Variants in SLC16A10 observed in about 807,000 individuals in gnomAD.
SLC16A10 encodes solute carrier family 16 member 10.
Under a neutral mutation model 40.0 loss-of-function variants are expected in SLC16A10, and 27 were observed. The observed-to-expected ratio is 0.67, with a 90% CI of 0.50 to 0.93. The LOEUF is 0.93. SLC16A10 is among the 40% of genes least tolerant of loss of function. The pLI is 0.00. For missense variants in SLC16A10, 529 were observed against 658.2 expected (o/e 0.80, Z 2.15); for synonymous variants, 213 against 249.8 (o/e 0.85, Z 1.39).
chr6:111,220,390 C>T (rs1583370551), intron 5 of SLC16A10, among the ~76,000 whole-genome samples: 2 of 152,102 alleles, frequency 1.3e-5, no homozygotes, highest in East Asian at 1.9e-4. Context: ...TAAAGATGTC[C>T]TATGTTCAGT....
intron 1 of SLC16A10, among the ~76,000 whole-genome samples, chr6:111,133,384 C>T (rs1236433575): frequency 6.6e-6 from 1 of 151,968 alleles, no homozygotes; most frequent in Non-Finnish European, 1.5e-5. Context: ...AGGAAATGTT[C>T]CCCCCAAGGC....
intron 4 of SLC16A10, 57 bp from the exon 5 acceptor site, chr6:111,218,757 G>A (rs1770829759): frequency 1.4e-6 from 2 of 1,403,964 alleles, no homozygotes; most frequent in Non-Finnish European, 2.0e-6. Context: ...CATGTTGCAT[G>A]GTAATTGTGA....
At chr6:111,129,296 T>A (rs1771740290) in intron 1 of SLC16A10, among the ~76,000 whole-genome samples, 1 of 152,182 alleles carries the variant, frequency 6.6e-6, no homozygotes. Flanking sequence ...AGTGGAAAAG[T>A]ACAGTGGTTT....
At position 111,089,908 on chromosome 6, in the gene SLC16A10, G is replaced by GTTTTTTTTTTTTTT. The variant is rs541758500; in HGVS notation, c.343+1838_343+1851dup. Among the ~76,000 whole-genome samples, 4 of 52,334 alleles carry GTTTTTTTTTTTTTT rather than the reference G, an allele frequency of 7.6e-5. 1 individual carries two copies. Among genetic ancestry groups the GTTTTTTTTTTTTTT allele is most frequent in the African/African-American group, 1.3e-4 (2 of 14,856 alleles). The allele number at this position is 52,334 out of a possible 152,430, so 34.3% of individuals were successfully genotyped here. Reference sequence around the variant, plus strand: ...TAGATCCTTTGGTGTCTGTGGGTGGGTTTTTTTTTTTTTTTTTTTTTTTTT... The same window carrying GTTTTTTTTTTTTTT: ...TAGATCCTTTGGTGTCTGTGGGTGGGTTTTTTTTTTTTTTTTTTTTTTTTTTTTTTTTTTTTTTT... On this transcript the variant is annotated intron_variant, in intron 1 of 5. Coordinates refer to ENST00000368851, the MANE Select transcript of SLC16A10 (RefSeq NM_018593.5).
intron 3 of SLC16A10, chr6:111,193,309 C>G (rs902345569): frequency 8.1e-5 from 80 of 985,696 alleles, no homozygotes; most frequent in Non-Finnish European, 9.4e-5. Context: ...ACATCTGCTG[C>G]AATTTGACTG....
intron 1 of SLC16A10, among the ~76,000 whole-genome samples, chr6:111,143,374 C>CT (rs982871254): frequency 5.9e-5 from 9 of 151,866 alleles, no homozygotes; most frequent in Admixed American, 2.0e-4. Context: ...CTATGCCTGA[C>CT]TTTTTTTTAA....
At chr6:111,090,967 G>A (rs138725633) in intron 1 of SLC16A10, among the ~76,000 whole-genome samples, 41 of 152,200 alleles carry the variant, frequency 2.7e-4, no homozygotes, top group African/African-American at 9.4e-4. Context: ...GGGAGGTGGT[G>A]GTGGAATGGA....
chr6:111,187,888 C>T lies in SLC16A10; in HGVS notation c.942+10223C>T, dbSNP rs569550189. Among the ~76,000 whole-genome samples, 33 of 152,282 alleles carry T rather than the reference C, an allele frequency of 2.2e-4. No homozygotes were observed. In the South Asian group the frequency reaches 6.4e-3, roughly 30 times the overall value. On this transcript the variant is annotated intron_variant, in intron 3 of 5. Coordinates refer to ENST00000368851, the MANE Select transcript of SLC16A10 (RefSeq NM_018593.5). ...AGATTGTCCCTGACAATGCAAGGCT[C>T]ACAGTAGTATCCTTATAAACCAAAG...
intron 1 of SLC16A10, among the ~76,000 whole-genome samples, chr6:111,151,500 A>G (rs1055873566): frequency 6.6e-6 from 1 of 152,184 alleles, no homozygotes; most frequent in Non-Finnish European, 1.5e-5. Context: ...TTCTGATTTC[A>G]GACAATTGTC....
chr6:111,206,573 C>T lies in SLC16A10; in HGVS notation c.943-19C>T. 6.2e-7 allele frequency: 1 copy of T among 1,613,424 alleles called. No individual in the cohort carries two copies. The highest frequency in any genetic ancestry group is 1.7e-5 in the Admixed American group (1 of 59,948). ...TTTTCTACCATATTCAGTGTGGTTT[C>T]TTTCTCTTTGGCCTATAGATGAAAC... On this transcript the variant is annotated intron_variant, in intron 3 of 5. Transcript: ENST00000368851.
chr6:111,204,217 G>A (rs556400001), intron 3 of SLC16A10, among the ~76,000 whole-genome samples: 1 of 152,316 alleles, frequency 6.6e-6, no homozygotes, highest in South Asian at 2.1e-4. Flanking sequence ...GATTTAGAAA[G>A]TAAATCATCA....
chr6:111,137,711 C>T (rs540273747), intron 1 of SLC16A10, among the ~76,000 whole-genome samples: 22 of 152,348 alleles, frequency 1.4e-4, no homozygotes, highest in African/African-American at 5.3e-4. Context: ...CCAACCTCCC[C>T]AATAGTACTT....
At chr6:111,147,059 G>A (rs1466141708) in intron 1 of SLC16A10, among the ~76,000 whole-genome samples, 1 of 152,220 alleles carries the variant, frequency 6.6e-6, no homozygotes, top group Admixed American at 6.5e-5. Context: ...AAGGAGGAAT[G>A]GGAGTGACTG....
chr6:111,149,661 T>C (rs1772139249), intron 1 of SLC16A10, among the ~76,000 whole-genome samples: 1 of 152,222 alleles, frequency 6.6e-6, no homozygotes, highest in African/African-American at 2.4e-5. Context: ...TACTCCAAAA[T>C]CAACTGCTTT....
At position 111,201,901 on chromosome 6, in the gene SLC16A10, C is replaced by T. The variant is rs558600367; in HGVS notation, c.943-4691C>T. On this transcript the variant is annotated intron_variant, in intron 3 of 5. Coordinates refer to ENST00000368851, the MANE Select transcript of SLC16A10 (RefSeq NM_018593.5). ...TGCATGTTCGTTGGCTTTATTGGAGCTGCTTTTGTACTGTGGCCACCCATT... is the reference window on the plus strand; with the variant it reads ...TGCATGTTCGTTGGCTTTATTGGAGTTGCTTTTGTACTGTGGCCACCCATT... Among the ~76,000 whole-genome samples the T allele has an allele frequency of 2.6e-5, 4 of 152,304 alleles. No individual in the cohort carries two copies. In the East Asian group the frequency reaches 7.7e-4, roughly 29 times the overall value.
chr6:111,169,374 G>A (rs1446444439), intron 1 of SLC16A10, among the ~76,000 whole-genome samples: 2 of 152,194 alleles, frequency 1.3e-5, no homozygotes, highest in Admixed American at 6.5e-5. Flanking sequence ...GGAACTCTGA[G>A]GTGAGACTCT....
At chr6:111,111,984 A>ATGTG (rs539051292) in intron 1 of SLC16A10, among the ~76,000 whole-genome samples, 2 of 151,966 alleles carry the variant, frequency 1.3e-5, no homozygotes, top group East Asian at 1.9e-4. Context: ...GTGTGTATAG[A>ATGTG]TGTGTGTGTG....
intron 1 of SLC16A10, among the ~76,000 whole-genome samples, chr6:111,093,041 C>CA (rs773591090): frequency 0.38 from 43,004 of 114,392 alleles, 7,657 homozygotes; most frequent in African/African-American, 0.53. Context: ...AACTCCGTCT[C>CA]AAAAAAAAAA....
chr6:111,157,949 T>C (rs956638824), intron 1 of SLC16A10, among the ~76,000 whole-genome samples: 3 of 150,978 alleles, frequency 2.0e-5, no homozygotes, highest in African/African-American at 7.3e-5. Flanking sequence ...GTGATCCTAG[T>C]TGCGAATGTT....
Sources: allele counts gnomAD v4.1 joint callset (sites outside exome capture counted in the v4.1 genomes callset), GRCh38; gene constraint gnomAD v4.1.1; transcripts MANE v1.5; gene names NCBI Gene and HGNC (gene_info 2026-07-23, HGNC 2026-07-21).